The following DHX8 variants were observed in gnomAD, a reference collection of about 807,000 sequenced individuals.
DHX8 encodes ATP-dependent RNA helicase DHX8.
A neutral mutation model predicts 140.7 loss-of-function variants in DHX8; 67 were observed. The observed-to-expected ratio is 0.48, with a 90% CI of 0.39 to 0.58. The LOEUF is 0.58. Among genes scored for constraint, DHX8 ranks in the 20% least tolerant of loss-of-function variants. DHX8 has a pLI of 0.00. For missense variants in DHX8, 887 were observed against 1,550.7 expected (o/e 0.57, Z 7.19); for synonymous variants, 533 against 553.2 (o/e 0.96, Z 0.51).
chr17:43,485,471 C>A (rs377736059), intron 1 of DHX8, among the ~76,000 whole-genome samples: 1 of 152,142 alleles, frequency 6.6e-6, no homozygotes, highest in Non-Finnish European at 1.5e-5. Context: ...TCTTGCCTCC[C>A]AGCCAAGATG....
In DHX8 at chr17:43,521,658, C is replaced by G. The variant is rs536166848; in HGVS notation, c.3263+93C>G. 22 of 1,205,342 alleles carry G rather than the reference C, an allele frequency of 1.8e-5. No individual in the cohort carries two copies. In the African/African-American group the frequency reaches 2.7e-4, roughly 15 times the overall value. 74.7% of individuals were successfully genotyped at this position (1,205,342 alleles called of 1,614,324 possible). A position where few individuals can be genotyped will look rare whatever the true frequency, so the allele number is the denominator to read the frequency against. On this transcript the variant is annotated intron_variant, in intron 21 of 22. Transcript: ENST00000262415. ...CTGTGTGTACCTATAAAGCTATAGG[C>G]ACCTTTTCTCTTGCTCCTCACATAA...
At chr17:43,530,608 G>T (rs1970868355), downstream of DHX8, among the ~76,000 whole-genome samples, 1 of 116,640 alleles carries the variant, frequency 8.6e-6, no homozygotes, top group Non-Finnish European at 1.7e-5. Flanking sequence ...GTGCACGCGC[G>T]CGTGTGTGTG....
chr17:43,508,364 T>C lies in DHX8; in HGVS notation c.2346T>C (p.Gly782=). The change falls in exon 16 of 23, where the codon GGT becomes GGC. Residue 782 remains glycine (G), a synonymous_variant. Coordinates refer to ENST00000262415, the MANE Select transcript of DHX8 (RefSeq NM_004941.3). ...PPGDILVFLT[G]QEEIDTACEI... ...GTGATATCCTGGTCTTCCTGACTGG[T>C]CAGGAAGAAATTGATACTGCTTGTG... The C allele has an allele frequency of 6.2e-7, 1 of 1,612,614 alleles. No individual in the cohort carries two copies.
chr17:43,486,112 A>C (rs1968128482), intron 1 of DHX8, among the ~76,000 whole-genome samples: 1 of 151,534 alleles, frequency 6.6e-6, no homozygotes, highest in South Asian at 2.1e-4. Flanking sequence ...AATCGCTTGA[A>C]CTCAGGAGAC....
exon 3 of DHX8, chr17:43,536,434 G>A: frequency 1.2e-6 from 2 of 1,614,166 alleles, no homozygotes; most frequent in South Asian, 1.1e-5. Context: ...ACGGTTTTCT[G>A]AATGGAAATC....
chr17:43,487,665 T>C (rs1316860559), intron 1 of DHX8, among the ~76,000 whole-genome samples: 1 of 152,102 alleles, frequency 6.6e-6, no homozygotes, highest in Non-Finnish European at 1.5e-5. Flanking sequence ...GCTTAATAAA[T>C]AGCTCTAATA....
In DHX8 at chr17:43,513,511, G is replaced by C. The variant is rs1234527441; in HGVS notation, c.2643+9G>C. Reference sequence around the variant, plus strand: ...TGACGCCTATTTCTCAGGTATGACGGCTTGTATCAACAGTTTTCCTGATAA... The same window carrying C: ...TGACGCCTATTTCTCAGGTATGACGCCTTGTATCAACAGTTTTCCTGATAA... On this transcript the variant is annotated intron_variant, in intron 17 of 22. Coordinates refer to ENST00000262415, the MANE Select transcript of DHX8 (RefSeq NM_004941.3). 1 of 1,612,142 alleles carries C rather than the reference G, an allele frequency of 6.2e-7. No individual in the cohort carries two copies. Among genetic ancestry groups the C allele is most frequent in the African/African-American group, 1.3e-5 (1 of 74,910 alleles).
rs757869995 is a variant in DHX8, at chr17:43,496,247, C to T, written c.1279C>T (p.Pro427Ser). 1 of 1,613,522 alleles carries T rather than the reference C, an allele frequency of 6.2e-7. No individual in the cohort carries two copies. The highest frequency in any genetic ancestry group is 8.5e-7 in the Non-Finnish European group (1 of 1,179,658). ...CTTTGATGAAGAGACTGGCATTCTC[C>T]CTAAGGTGGATGATGAAGAAGGTAA... ...PDFDEETGILPKVDDEEDEDL... is the reference protein window; with the variant it reads ...PDFDEETGILSKVDDEEDEDL... Residue 427 changes from proline to serine, a missense_variant, in exon 9 of 23, where the codon CCT (proline) becomes TCT (serine). Physicochemically the swap from Pro to Ser is moderately conservative, Grantham distance 74. Transcript: ENST00000262415.
At chr17:43,531,125 T>C (rs570057374), downstream of DHX8, among the ~76,000 whole-genome samples, 1 of 152,170 alleles carries the variant, frequency 6.6e-6, no homozygotes, top group Non-Finnish European at 1.5e-5. Flanking sequence ...GGTTCTTAGT[T>C]GGACAGCCTG....
intron 1 of DHX8, among the ~76,000 whole-genome samples, chr17:43,486,538 G>A (rs1174798668): frequency 6.6e-6 from 1 of 151,936 alleles, no homozygotes; most frequent in Non-Finnish European, 1.5e-5. Flanking sequence ...TTTTATAATG[G>A]ATTCAGTTAA....
downstream of DHX8, chr17:43,530,019 G>T (rs1295765632): frequency 6.2e-7 from 1 of 1,609,654 alleles, no homozygotes; most frequent in African/African-American, 1.3e-5. Flanking sequence ...AGAGTCCAGA[G>T]GGACTCCTGG....
chr17:43,522,817 A>C (rs1348738877), intron 22 of DHX8, among the ~76,000 whole-genome samples: 2 of 151,138 alleles, frequency 1.3e-5, no homozygotes, highest in Non-Finnish European at 2.9e-5. Context: ...TAATCCCAGC[A>C]CTTTGGGAGG....
At chr17:43,491,286 A>G (rs370994117) in intron 4 of DHX8, 36 bp downstream of exon 4, 7 of 1,142,936 alleles carry the variant, frequency 6.1e-6, no homozygotes, top group Admixed American at 2.6e-5. Flanking sequence ...TACTATAAAT[A>G]TATATTCTCA....
At chr17:43,538,926 A>G (rs1971385139) in intron 3 of DHX8, among the ~76,000 whole-genome samples, 1 of 152,126 alleles carries the variant, frequency 6.6e-6, no homozygotes, top group Admixed American at 6.5e-5. Context: ...GATGGCTAGA[A>G]AAAACCTCCA....
At chr17:43,543,276 A>ACTCTCCCTCTCTCTCTCTCTCTCT (rs138989101) in intron 3 of DHX8, among the ~76,000 whole-genome samples, 1 of 138,140 alleles carries the variant, frequency 7.2e-6, no homozygotes. Flanking sequence ...ACACACACAC[A>ACTCTCCCTCTCTCTCTCTCTCTCT]CTCTCTCTCT....
intron 3 of DHX8, among the ~76,000 whole-genome samples, chr17:43,541,092 C>G (rs756391160): frequency 1.3e-5 from 2 of 152,132 alleles, no homozygotes; most frequent in Admixed American, 1.3e-4. Flanking sequence ...GAGGAGGCTT[C>G]CTCCAGCACA....
intron 11 of DHX8, among the ~76,000 whole-genome samples, chr17:43,503,510 A>AAC (rs1969323613): frequency 1.3e-5 from 2 of 151,932 alleles, no homozygotes; most frequent in South Asian, 4.2e-4. Flanking sequence ...AAAAAAAAAA[A>AAC]AAAGTTTAGC....
rs193033153 is a variant in DHX8 at position 43,504,907 on chromosome 17, G to A, written c.1728+82G>A. ...GTGATATTTTTAAACTGAAACTAAC[G>A]GGACAAGTATGTGCCTACTTGAAGT... On this transcript the variant is annotated intron_variant, in intron 12 of 22. Transcript: ENST00000262415. 173 of 1,307,106 alleles carry A rather than the reference G, an allele frequency of 1.3e-4. No homozygotes were observed. In the East Asian group the frequency reaches 1.5e-3, roughly 11 times the overall value. The allele number at this position is 1,307,106 out of a possible 1,614,324, so 81.0% of individuals were successfully genotyped here.
chr17:43,513,246 TAG>T (rs1598164075), intron 16 of DHX8, 114 bp from the exon 17 acceptor site: 26 of 1,169,304 alleles, frequency 2.2e-5, no homozygotes, highest in Non-Finnish European at 2.6e-5. Flanking sequence ...TTTAACCGTC[TAG>T]AGAGAGAGAT....
Sources: allele counts gnomAD v4.1 joint callset (sites outside exome capture counted in the v4.1 genomes callset), GRCh38; gene constraint gnomAD v4.1.1; transcripts MANE v1.5; gene names NCBI Gene and HGNC (gene_info 2026-07-23, HGNC 2026-07-21).